Variants in CADM1 observed in about 807,000 individuals in gnomAD.
CADM1 encodes the protein TSLC-1.
In CADM1, 15 loss-of-function variants were observed where a neutral mutation model predicts 53.1. That is an observed-to-expected ratio of 0.28 (90% CI 0.19 to 0.44). The LOEUF (loss-of-function observed/expected upper bound fraction) is 0.44, where lower values mean the gene tolerates loss of function less well. CADM1 is among the 20% of genes least tolerant of loss of function. The pLI, the probability that CADM1 is intolerant of heterozygous loss-of-function variation, is 1.00. For synonymous variants in CADM1, 281 were observed against 243.0 expected (o/e 1.16, Z -1.45); for missense variants, 434 against 611.3 (o/e 0.71, Z 3.06).
chr11:115,404,400 A>G (rs1253213505), intron 1 of CADM1, among the ~76,000 whole-genome samples: 3 of 132,170 alleles, frequency 2.3e-5, no homozygotes, highest in East Asian at 2.2e-4. Flanking sequence ...GCCCATTTGC[A>G]TATCATACAC....
intron 1 of CADM1, among the ~76,000 whole-genome samples, chr11:115,463,373 T>C (rs1948834778): frequency 6.6e-6 from 1 of 152,164 alleles, no homozygotes; most frequent in Non-Finnish European, 1.5e-5. Context: ...CATATAATAT[T>C]TTTATATCCT....
At chr11:115,495,192 T>G (rs1055829560) in intron 1 of CADM1, among the ~76,000 whole-genome samples, 2 of 152,174 alleles carry the variant, frequency 1.3e-5, no homozygotes, top group South Asian at 4.1e-4. Flanking sequence ...TAAATAAGGG[T>G]TTCTGCAAGA....
chr11:115,417,699 T>C (rs1404891272), intron 1 of CADM1, among the ~76,000 whole-genome samples: 13 of 152,178 alleles, frequency 8.5e-5, no homozygotes. Flanking sequence ...GTGGGATGGC[T>C]TGAGATTTCA....
At chr11:115,297,081 T>C (rs964625606) in intron 1 of CADM1, among the ~76,000 whole-genome samples, 1 of 152,220 alleles carries the variant, frequency 6.6e-6, no homozygotes, top group African/African-American at 2.4e-5. Flanking sequence ...TACATTCCCC[T>C]CCTTGCTATA....
At chr11:115,246,030 C>T (rs1448385873) in intron 1 of CADM1, among the ~76,000 whole-genome samples, 4 of 152,168 alleles carry the variant, frequency 2.6e-5, no homozygotes, top group Non-Finnish European at 5.9e-5. Flanking sequence ...TTAAATATTA[C>T]AGTAACATTT....
At chr11:115,222,771 C>A (rs988835972) in intron 5 of CADM1, among the ~76,000 whole-genome samples, 2 of 152,100 alleles carry the variant, frequency 1.3e-5, no homozygotes, top group African/African-American at 4.8e-5. Flanking sequence ...AAAAAAGAAT[C>A]AAATTTGATC....
At chr11:115,262,484 C>G (rs1943005889) in intron 1 of CADM1, among the ~76,000 whole-genome samples, 1 of 152,206 alleles carries the variant, frequency 6.6e-6, no homozygotes, top group Non-Finnish European at 1.5e-5. Context: ...TTAAGTGCCT[C>G]TCCTGTGTGT....
In CADM1 at chr11:115,180,474, T is replaced by C. The variant is rs181392350; in HGVS notation, c.1166-1699A>G. Among the ~76,000 whole-genome samples the C allele has an allele frequency of 2.5e-3, 381 of 152,270 alleles. 1 individual carries two copies. The highest frequency in any genetic ancestry group is 4.7e-3 in the Non-Finnish European group (317 of 68,012). On this transcript the variant is annotated intron_variant, in intron 10 of 11. Coordinates refer to ENST00000331581, the MANE Select transcript of CADM1 (RefSeq NM_001301043.2). ...TGCAGCCAATTAGCCCGCTCTGAGC[T>C]GAGCGAGCCCCTCCAGCAACGTGTC...
intron 1 of CADM1, among the ~76,000 whole-genome samples, chr11:115,268,346 G>A (rs1057009068): frequency 6.6e-6 from 1 of 152,174 alleles, no homozygotes; most frequent in Admixed American, 6.5e-5. Flanking sequence ...CCTGTGAGGT[G>A]GAAAGGTTGC....
At position 115,175,759 on chromosome 11, in the gene CADM1, T is replaced by C. The variant is rs1300128328; in HGVS notation, c.*715A>G. On this transcript the variant is annotated 3_prime_UTR_variant, in exon 12 of 12. Coordinates refer to ENST00000331581, the MANE Select transcript of CADM1 (RefSeq NM_001301043.2). ...CTCACTTGCAGATAACCCTGTACAG[T>C]AATGTAGTTCCACAGCAAACAGAAC... 2.0e-6 allele frequency: 2 copies of C among 993,226 alleles called. No individual in the cohort carries two copies. Among genetic ancestry groups the C allele is most frequent in the Non-Finnish European group, 2.4e-6 (2 of 834,714 alleles). The allele number at this position is 993,226 out of a possible 1,614,324, so 61.5% of individuals were successfully genotyped here. A position where few individuals can be genotyped will look rare whatever the true frequency, so the allele number is the denominator to read the frequency against.
chr11:115,417,233 T>TA (rs1295716328), intron 1 of CADM1, among the ~76,000 whole-genome samples: 1 of 152,218 alleles, frequency 6.6e-6, no homozygotes, highest in Non-Finnish European at 1.5e-5. Context: ...CCTGCAAAGT[T>TA]AAATGCAAAT....
chr11:115,289,899 A>G (rs1483349770), intron 1 of CADM1, among the ~76,000 whole-genome samples: 1 of 152,082 alleles, frequency 6.6e-6, no homozygotes, highest in Non-Finnish European at 1.5e-5. Context: ...CCGGCCCTGA[A>G]TTTTTAATTG....
intron 1 of CADM1, among the ~76,000 whole-genome samples, chr11:115,312,412 G>C (rs1164117565): frequency 6.6e-6 from 1 of 151,966 alleles, no homozygotes; most frequent in Non-Finnish European, 1.5e-5. Context: ...ATTACCGGAG[G>C]GTAGGATGCT....
intron 1 of CADM1, among the ~76,000 whole-genome samples, chr11:115,272,845 C>T (rs1420547728): frequency 1.3e-5 from 2 of 151,280 alleles, no homozygotes; most frequent in South Asian, 2.1e-4. Flanking sequence ...CACATGTATA[C>T]GTATGTAACT....
At chr11:115,286,328 A>AT (rs1177340524) in intron 1 of CADM1, among the ~76,000 whole-genome samples, 4 of 152,046 alleles carry the variant, frequency 2.6e-5, no homozygotes, top group Non-Finnish European at 1.5e-5. Flanking sequence ...ACACACTCAC[A>AT]CCCACACTCA....
chr11:115,494,298 A>G (rs1949563408), intron 1 of CADM1, among the ~76,000 whole-genome samples: 1 of 152,178 alleles, frequency 6.6e-6, no homozygotes, highest in Non-Finnish European at 1.5e-5. Context: ...TGAAAGACAA[A>G]GATGAACCTA....
chr11:115,312,242 A>C (rs1197261103), intron 1 of CADM1, among the ~76,000 whole-genome samples: 1 of 152,162 alleles, frequency 6.6e-6, no homozygotes, highest in Non-Finnish European at 1.5e-5. Context: ...CTTTATTTAA[A>C]TTTCAGGGAC....
At chr11:115,315,009 G>A (rs1391091682) in intron 1 of CADM1, among the ~76,000 whole-genome samples, 7 of 152,152 alleles carry the variant, frequency 4.6e-5, no homozygotes, top group South Asian at 2.1e-4. Context: ...CGGATTTGGA[G>A]TTGACACGTT....
At chr11:115,337,459 C>T (rs1417515043) in intron 1 of CADM1, among the ~76,000 whole-genome samples, 1 of 152,102 alleles carries the variant, frequency 6.6e-6, no homozygotes, top group Non-Finnish European at 1.5e-5. Context: ...GACATTCTTC[C>T]TCCACCATTC....
Sources: allele counts gnomAD v4.1 joint callset (sites outside exome capture counted in the v4.1 genomes callset), GRCh38; gene constraint gnomAD v4.1.1; transcripts MANE v1.5; gene names NCBI Gene and HGNC (gene_info 2026-07-23, HGNC 2026-07-21).